The following CCDC141 variants were observed in gnomAD, a reference collection of about 807,000 sequenced individuals.
The protein encoded by CCDC141 is coiled-coil domain containing 141, also known as coiled-coil domain-containing protein 141.
CCDC141 carries 168 observed loss-of-function variants against 181.0 expected under a neutral mutation model. The ratio of observed to expected loss-of-function variants is 0.93; its 90% CI spans 0.82 to 1.05. CCDC141 has a LOEUF of 1.05. Ranked by LOEUF, CCDC141 falls within the 50% of genes least tolerant of loss-of-function variation. The pLI is 0.00. For synonymous variants in CCDC141, 666 were observed against 642.3 expected (o/e 1.04, Z -0.56); for missense variants, 1,902 against 1,788.5 (o/e 1.06, Z -1.14).
rs758902266 is a variant in CCDC141, at chr2:178,855,347, C to T, written c.3060G>A (p.Glu1020=). The change falls in exon 19 of 24, where the codon GAG becomes GAA. Residue 1020 remains glutamate, a splice_region_variant and synonymous_variant. Transcript: ENST00000443758. ...GGATACCACTGCAAAAAGAGAATAC[C>T]TCTTCTATCACCTCCTGGAAATGCT... The part of the protein sequence containing the change: ...LTEHFQEVIE[E]CHFWYEDASA... 3 of 1,603,644 alleles carry T rather than the reference C, an allele frequency of 1.9e-6. No homozygotes were observed. Among genetic ancestry groups the T allele is most frequent in the Non-Finnish European group, 2.5e-6 (3 of 1,176,850 alleles).
chr2:178,824,600 CA>C, the CCDC141 span, among the ~76,000 whole-genome samples: 1 of 105,040 alleles, frequency 9.5e-6, no homozygotes, highest in African/African-American at 3.8e-5. Context: ...GCCTGGGCGA[CA>C]AGAGTGAGAC....
chr2:178,882,720 C>T (rs10171295), intron 11 of CCDC141, among the ~76,000 whole-genome samples: 10,798 of 152,044 alleles, frequency 0.071, 663 homozygotes, highest in South Asian at 0.17. Flanking sequence ...AGCAGAGGCC[C>T]GTGCATTTGT....
At chr2:178,854,653 G>C (rs764830865) in intron 19 of CCDC141, among the ~76,000 whole-genome samples, 75 of 152,192 alleles carry the variant, frequency 4.9e-4, no homozygotes, top group Non-Finnish European at 9.6e-4. Flanking sequence ...TGCCACAAAG[G>C]GACCACAAAC....
intron 7 of CCDC141, 78 bp downstream of exon 7, chr2:178,918,635 G>T: frequency 8.4e-7 from 1 of 1,197,346 alleles, no homozygotes; most frequent in Non-Finnish European, 1.2e-6. Context: ...TCTGTGATGT[G>T]CTCCAGTCAG....
intron 8 of CCDC141, among the ~76,000 whole-genome samples, chr2:178,889,800 A>G (rs1687060694): frequency 6.6e-6 from 1 of 152,170 alleles, no homozygotes; most frequent in South Asian, 2.1e-4. Flanking sequence ...CTGGCACATA[A>G]TGTTTCACAG....
At chr2:178,886,168 G>A (rs1686873791) in intron 10 of CCDC141, among the ~76,000 whole-genome samples, 1 of 152,092 alleles carries the variant, frequency 6.6e-6, no homozygotes, top group African/African-American at 2.4e-5. Context: ...GGAGAACCAG[G>A]GGAGGGCACT....
the CCDC141 span, among the ~76,000 whole-genome samples, chr2:178,824,061 A>AACACACACACACACACAC: frequency 1.1e-4 from 16 of 147,524 alleles, no homozygotes; most frequent in Non-Finnish European, 1.9e-4. Context: ...TACAGAGAAA[A>AACACACACACACACACAC]ACACACACAC....
chr2:179,018,421 C>A lies in CCDC141; in HGVS notation c.225+28863G>T, dbSNP rs377271740. On this transcript the variant is annotated intron_variant, in intron 2 of 23. Transcript: ENST00000443758. ...ATTTAAGACACTTAAAAGTAAAGAA[C>A]ACAAATTTTTAAAAACTTGGGGAAC... 8.5e-5 allele frequency among the ~76,000 whole-genome samples: 13 copies of A among 152,236 alleles called. No individual in the cohort carries two copies. The South Asian group carries it at 2.5e-3, about 29-fold the overall frequency.
chr2:178,896,074 G>T (rs1275685490), intron 8 of CCDC141, among the ~76,000 whole-genome samples: 2 of 152,142 alleles, frequency 1.3e-5, no homozygotes, highest in Non-Finnish European at 2.9e-5. Flanking sequence ...GAATGATTCA[G>T]CCCAGCCCAG....
chr2:178,834,523 C>A (rs1301507760), intron 23 of CCDC141, 83 bp from the exon 24 acceptor site: 10 of 1,372,298 alleles, frequency 7.3e-6, no homozygotes, highest in Non-Finnish European at 9.9e-6. Flanking sequence ...TGCAAATAGG[C>A]CCATTACCAC....
At chr2:178,881,296 C>T (rs1686596294) in intron 11 of CCDC141, among the ~76,000 whole-genome samples, 1 of 152,108 alleles carries the variant, frequency 6.6e-6, no homozygotes, top group South Asian at 2.1e-4. Context: ...TGCCAGTGCT[C>T]TTCTGGGGAT....
Position 178,978,605 on chromosome 2 carries a change from C to A in CCDC141, c.296G>T (p.Ser99Ile). 1 of 1,549,858 alleles carries A rather than the reference C, an allele frequency of 6.5e-7. No individual in the cohort carries two copies. Among genetic ancestry groups the A allele is most frequent in the Admixed American group, 2.0e-5 (1 of 50,932 alleles). ...CTCGGCCATGGCATCATAGACCTGACTCTGATCCTTGTTCTCTTCAGCTGT... is the reference window on the plus strand; with the variant it reads ...CTCGGCCATGGCATCATAGACCTGAATCTGATCCTTGTTCTCTTCAGCTGT... ...DKTAEENKDQ[S>I]QVYDAMAETL... The change falls in exon 3 of 24, where the codon AGT becomes ATT. Residue 99 changes from serine to isoleucine, a missense_variant. By Grantham distance (142) the Ser-to-Ile change is moderately radical. Coordinates refer to ENST00000443758, the MANE Select transcript of CCDC141 (RefSeq NM_173648.4).
chr2:178,842,334 G>A (rs1036069680), intron 22 of CCDC141, among the ~76,000 whole-genome samples: 1 of 152,060 alleles, frequency 6.6e-6, no homozygotes, highest in Non-Finnish European at 1.5e-5. Flanking sequence ...TTATCTTTAA[G>A]TTCTCTAATT....
chr2:178,921,012 G>T (rs1044085163), intron 6 of CCDC141, among the ~76,000 whole-genome samples: 7 of 152,206 alleles, frequency 4.6e-5, no homozygotes, highest in African/African-American at 1.7e-4. Flanking sequence ...GCTACTCAAG[G>T]TTACGTATCC....
At chr2:178,929,511 A>G (rs1689022075) in intron 6 of CCDC141, among the ~76,000 whole-genome samples, 2 of 151,754 alleles carry the variant, frequency 1.3e-5, no homozygotes, top group South Asian at 2.1e-4. Flanking sequence ...TTTAATAAAT[A>G]TAAGTGCTAC....
rs148608225 is a variant in CCDC141 at position 178,924,292 on chromosome 2, A to G, written c.898-5385T>C. Among the ~76,000 whole-genome samples the G allele has an allele frequency of 1.8e-3, 272 of 152,350 alleles. 5 individuals carry two copies. In the South Asian group the frequency reaches 0.024, roughly 13 times the overall value. ...TGTGTTGAGTTCATGTATAGTTCCC[A>G]AAGCATGGCTGATTCCTAGACCATC... On this transcript the variant is annotated intron_variant, in intron 6 of 23. Coordinates refer to ENST00000443758, the MANE Select transcript of CCDC141 (RefSeq NM_173648.4).
At chr2:179,039,012 A>G (rs73973198) in intron 2 of CCDC141, among the ~76,000 whole-genome samples, 1 of 152,310 alleles carries the variant, frequency 6.6e-6, no homozygotes, top group African/African-American at 2.4e-5. Context: ...ATGTAATGTC[A>G]ATAGTAGCCA....
intron 2 of CCDC141, among the ~76,000 whole-genome samples, chr2:178,995,972 TC>T (rs1692269790): frequency 6.6e-6 from 1 of 152,172 alleles, no homozygotes; most frequent in Non-Finnish European, 1.5e-5. Flanking sequence ...TGGTGTTAGT[TC>T]AAGAATATAT....
At chr2:178,821,891 G>C in the CCDC141 span, among the ~76,000 whole-genome samples, 1 of 152,142 alleles carries the variant, frequency 6.6e-6, no homozygotes, top group Non-Finnish European at 1.5e-5. Context: ...ATTTGACCCA[G>C]CCATCCCATT....
Sources: allele counts gnomAD v4.1 joint callset (sites outside exome capture counted in the v4.1 genomes callset), GRCh38; gene constraint gnomAD v4.1.1; transcripts MANE v1.5; gene names NCBI Gene and HGNC (gene_info 2026-07-23, HGNC 2026-07-21).